Variants in SPIDR observed in about 807,000 individuals in gnomAD.
SPIDR encodes scaffold protein involved in DNA repair.
SPIDR carries 93 observed loss-of-function variants against 104.6 expected under a neutral mutation model. That is an observed-to-expected ratio of 0.89 (90% CI 0.75 to 1.06). SPIDR has a LOEUF of 1.06. Ranked by LOEUF, SPIDR falls within the 50% of genes least tolerant of loss-of-function variation. The pLI, the probability that SPIDR is intolerant of heterozygous loss-of-function variation, is 0.00. For synonymous variants in SPIDR, 431 were observed against 416.9 expected, an observed-to-expected ratio of 1.03 and a Z score of -0.41; for missense variants, 1,154 against 1,111.2, an observed-to-expected ratio of 1.04 and a Z score of -0.55.
intron 8 of SPIDR, among the ~76,000 whole-genome samples, chr8:47,443,570 C>T (rs1413791386): frequency 9.9e-6 from 1 of 101,152 alleles, no homozygotes. Flanking sequence ...GACCCTGTCG[C>T]CAAAAAAAAA....
intron 8 of SPIDR, among the ~76,000 whole-genome samples, chr8:47,565,877 A>G (rs2057724273): frequency 6.8e-6 from 1 of 147,618 alleles, no homozygotes; most frequent in African/African-American, 2.5e-5. Flanking sequence ...AAATAAGACA[A>G]CAAAGGGGAC....
At chr8:47,287,792 C>T (rs1204555234) in intron 3 of SPIDR, among the ~76,000 whole-genome samples, 1 of 152,164 alleles carries the variant, frequency 6.6e-6, no homozygotes, top group South Asian at 2.1e-4. Flanking sequence ...TTCAAACACA[C>T]ATTTTACAAT....
At chr8:47,262,250 A>G (rs562514279) in intron 1 of SPIDR, among the ~76,000 whole-genome samples, 2 of 152,218 alleles carry the variant, frequency 1.3e-5, no homozygotes, top group East Asian at 1.9e-4. Flanking sequence ...GTTTCTCTTG[A>G]CTTAGAAATC....
At chr8:47,412,944 C>G (rs550697563) in intron 7 of SPIDR, among the ~76,000 whole-genome samples, 23 of 152,260 alleles carry the variant, frequency 1.5e-4, no homozygotes, top group Non-Finnish European at 2.9e-4. Flanking sequence ...ATTTCCTTGC[C>G]ACTTAAATTC....
chr8:47,653,301 C>A (rs936662925), intron 10 of SPIDR, among the ~76,000 whole-genome samples: 8 of 152,142 alleles, frequency 5.3e-5, no homozygotes, highest in Non-Finnish European at 1.2e-4. Context: ...TTACTCTATA[C>A]CCAGTTACAA....
chr8:47,421,444 G>C (rs1388709800), intron 7 of SPIDR, among the ~76,000 whole-genome samples: 1 of 152,116 alleles, frequency 6.6e-6, no homozygotes, highest in Non-Finnish European at 1.5e-5. Flanking sequence ...TTCTCTTGTT[G>C]TGGTTTTTAG....
Position 47,729,462 on chromosome 8 carries a change from T to TGG in SPIDR, c.2604_2604+1dup, listed in dbSNP as rs768978482. ...TGCTGAGGTTTGCCGCCGGTGAAGA[T>TGG]GGGGTAAGTGCAGGGGGCCCAGCCC... On this transcript the variant is annotated frameshift_variant, in exon 19 of 20. Transcript: ENST00000297423. LOFTEE classifies it low-confidence loss of function (END_TRUNC). 6.3e-7 allele frequency: 1 copy of TGG among 1,596,798 alleles called. No individual in the cohort carries two copies. Among genetic ancestry groups the TGG allele is most frequent in the Non-Finnish European group, 8.5e-7 (1 of 1,172,756 alleles).
At chr8:47,359,252 CAAA>C (rs11372277) in intron 5 of SPIDR, among the ~76,000 whole-genome samples, 1 of 114,948 alleles carries the variant, frequency 8.7e-6, no homozygotes, top group Non-Finnish European at 1.7e-5. Context: ...GACTCCGTCT[CAAA>C]AAAAAAAAAA....
chr8:47,525,767 C>T (rs1331992207), intron 8 of SPIDR, among the ~76,000 whole-genome samples: 1 of 147,768 alleles, frequency 6.8e-6, no homozygotes, highest in East Asian at 2.0e-4. Flanking sequence ...GAGTGAGACC[C>T]TGCCTCAAAA....
At chr8:47,317,287 G>C (rs1307703326) in intron 5 of SPIDR, among the ~76,000 whole-genome samples, 1 of 152,136 alleles carries the variant, frequency 6.6e-6, no homozygotes, top group African/African-American at 2.4e-5. Context: ...CTTAGCAGAT[G>C]GCACACCAGG....
chr8:47,669,390 G>T (rs539118093), intron 10 of SPIDR, among the ~76,000 whole-genome samples: 63 of 152,316 alleles, frequency 4.1e-4, no homozygotes, highest in Non-Finnish European at 6.9e-4. Context: ...GTCGAACCAG[G>T]GGGGTGATGA....
chr8:47,500,322 A>G (rs1035182468), intron 8 of SPIDR, among the ~76,000 whole-genome samples: 1 of 152,168 alleles, frequency 6.6e-6, no homozygotes, highest in Non-Finnish European at 1.5e-5. Context: ...CTGACTTTTT[A>G]ATTATCACCA....
intron 5 of SPIDR, among the ~76,000 whole-genome samples, chr8:47,393,503 G>C (rs1588115470): frequency 6.6e-6 from 1 of 152,150 alleles, no homozygotes; most frequent in South Asian, 2.1e-4. Context: ...TCCTGCCTCA[G>C]AATCTTGGTC....
At chr8:47,325,703 C>T (rs1347164070) in intron 5 of SPIDR, among the ~76,000 whole-genome samples, 1 of 152,122 alleles carries the variant, frequency 6.6e-6, no homozygotes, top group Non-Finnish European at 1.5e-5. Context: ...CTTCAACATT[C>T]GAGACAGAGT....
intron 5 of SPIDR, among the ~76,000 whole-genome samples, chr8:47,362,933 G>A (rs191502227): frequency 2.0e-5 from 3 of 152,290 alleles, no homozygotes; most frequent in African/African-American, 7.2e-5. Flanking sequence ...GATTACAGGC[G>A]TGAGCTACCA....
chr8:47,437,642 TCATCATCACTGGC>T (rs1428475134), intron 7 of SPIDR, among the ~76,000 whole-genome samples: 6 of 152,112 alleles, frequency 3.9e-5, no homozygotes, highest in African/African-American at 1.2e-4. Context: ...GAAAAAATGC[TCATCATCACTGGC>T]CATCAGAGAA....
intron 11 of SPIDR, among the ~76,000 whole-genome samples, chr8:47,681,909 C>T (rs1335051779): frequency 2.6e-5 from 4 of 152,062 alleles, no homozygotes; most frequent in Non-Finnish European, 1.5e-5. Flanking sequence ...CAATATTATA[C>T]TTCCAAGTTT....
intron 8 of SPIDR, among the ~76,000 whole-genome samples, chr8:47,456,569 C>T (rs1391737795): frequency 6.6e-6 from 1 of 152,066 alleles, no homozygotes; most frequent in Non-Finnish European, 1.5e-5. Flanking sequence ...ACAACACAGC[C>T]TTATATAACC....
At chr8:47,363,519 T>C (rs1328296474) in intron 5 of SPIDR, among the ~76,000 whole-genome samples, 1 of 150,226 alleles carries the variant, frequency 6.7e-6, no homozygotes, top group African/African-American at 2.5e-5. Flanking sequence ...AAAAAAAAAA[T>C]TAGGTCAAAG....
Sources: allele counts gnomAD v4.1 joint callset (sites outside exome capture counted in the v4.1 genomes callset), GRCh38; gene constraint gnomAD v4.1.1; transcripts MANE v1.5; gene names NCBI Gene and HGNC (gene_info 2026-07-23, HGNC 2026-07-21).